AKT3: variants seen among roughly 807,000 people sequenced by gnomAD.
AKT3 encodes AKT serine/threonine kinase 3, also known as RAC-gamma serine/threonine-protein kinase.
Under a neutral mutation model 65.3 loss-of-function variants are expected in AKT3, and 15 were observed. That is an observed-to-expected ratio of 0.23 (90% CI 0.15 to 0.35). The LOEUF (loss-of-function observed/expected upper bound fraction) is 0.35. AKT3 is among the 10% of genes least tolerant of loss of function. AKT3 has a pLI of 1.00. For synonymous variants in AKT3, 206 were observed against 183.8 expected, an observed-to-expected ratio of 1.12 and a Z score of -0.98; for missense variants, 243 against 576.5, an observed-to-expected ratio of 0.42 and a Z score of 5.92.
intron 6 of AKT3, among the ~76,000 whole-genome samples, chr1:243,631,000 C>T (rs1211977795): frequency 2.7e-5 from 4 of 150,416 alleles, no homozygotes; most frequent in South Asian, 2.1e-4. Context: ...TACAGGCATA[C>T]GTCAGGTTTT....
intron 2 of AKT3, among the ~76,000 whole-genome samples, chr1:243,767,658 A>G (rs976963528): frequency 6.6e-6 from 1 of 152,136 alleles, no homozygotes; most frequent in Non-Finnish European, 1.5e-5. Flanking sequence ...AAATTTACAT[A>G]TGATACAGTA....
At chr1:243,556,333 A>G (rs908368265) in intron 10 of AKT3, among the ~76,000 whole-genome samples, 2 of 152,166 alleles carry the variant, frequency 1.3e-5, no homozygotes, top group African/African-American at 4.8e-5. Context: ...TATATTTTTA[A>G]ATGATACTAC....
intron 8 of AKT3, among the ~76,000 whole-genome samples, chr1:243,578,233 T>G (rs1023391478): frequency 1.3e-5 from 2 of 152,124 alleles, no homozygotes; most frequent in African/African-American, 4.8e-5. Context: ...GATACGTGCA[T>G]GCATATGTTC....
chr1:243,505,460 G>T, intron 13 of AKT3, 126 bp from the exon 14 acceptor site: 1 of 707,780 alleles, frequency 1.4e-6, no homozygotes, highest in Non-Finnish European at 2.4e-6. Context: ...ATAAACTTGT[G>T]TTCATCAATA....
chr1:243,560,940 C>G (rs1050314179), intron 10 of AKT3, among the ~76,000 whole-genome samples: 2 of 151,980 alleles, frequency 1.3e-5, no homozygotes, highest in African/African-American at 4.8e-5. Flanking sequence ...GCAGGGGTAA[C>G]TGAACTCCAG....
chr1:243,602,159 C>G (rs1315575942), intron 8 of AKT3, among the ~76,000 whole-genome samples: 2 of 152,186 alleles, frequency 1.3e-5, no homozygotes, highest in African/African-American at 4.8e-5. Context: ...TCAATGCATT[C>G]AATTACATTT....
intron 2 of AKT3, among the ~76,000 whole-genome samples, chr1:243,720,557 A>G (rs1321366763): frequency 6.6e-6 from 1 of 151,976 alleles, no homozygotes; most frequent in Non-Finnish European, 1.5e-5. Flanking sequence ...GATTTTTATC[A>G]TAAATAGGAT....
intron 12 of AKT3, among the ~76,000 whole-genome samples, chr1:243,532,538 T>C (rs923113062): frequency 3.3e-5 from 5 of 152,222 alleles, no homozygotes; most frequent in African/African-American, 1.2e-4. Context: ...CCTTTAATTA[T>C]ACTGCTGAAT....
chr1:243,663,117 T>A (rs1419049833), intron 4 of AKT3, among the ~76,000 whole-genome samples: 1 of 152,232 alleles, frequency 6.6e-6, no homozygotes, highest in Non-Finnish European at 1.5e-5. Flanking sequence ...GTGCAAAAGA[T>A]GTTTTAAATG....
chr1:243,510,442 G>A (rs902358686), intron 13 of AKT3, among the ~76,000 whole-genome samples: 2 of 152,212 alleles, frequency 1.3e-5, no homozygotes, highest in Non-Finnish European at 2.9e-5. Context: ...AGGTGCCAAT[G>A]CAGAGAATGA....
chr1:243,773,232 AAAAG>A (rs1690313549), intron 2 of AKT3, among the ~76,000 whole-genome samples: 2 of 149,248 alleles, frequency 1.3e-5, no homozygotes, highest in South Asian at 4.2e-4. Flanking sequence ...ATATAAAACA[AAAAG>A]AAACTGAAGA....
At chr1:243,839,901 GT>G (rs1695137611) in intron 2 of AKT3, among the ~76,000 whole-genome samples, 1 of 150,750 alleles carries the variant, frequency 6.6e-6, no homozygotes, top group Non-Finnish European at 1.5e-5. Flanking sequence ...ACAGGAAAAG[GT>G]CCGGGTGCGG....
chr1:243,822,566 C>T (rs1422140565), intron 2 of AKT3, among the ~76,000 whole-genome samples: 1 of 151,280 alleles, frequency 6.6e-6, no homozygotes, highest in Non-Finnish European at 1.5e-5. Flanking sequence ...AGAGAAGAAT[C>T]AAATAGATTC....
intron 2 of AKT3, among the ~76,000 whole-genome samples, chr1:243,820,579 C>G (rs1475245257): frequency 2.6e-5 from 4 of 152,122 alleles, no homozygotes; most frequent in African/African-American, 9.7e-5. Context: ...AGCTGTTAAC[C>G]AGAATAACCA....
At chr1:243,752,782 G>C (rs904591533) in intron 2 of AKT3, among the ~76,000 whole-genome samples, 6 of 152,036 alleles carry the variant, frequency 3.9e-5, no homozygotes, top group Non-Finnish European at 8.8e-5. Flanking sequence ...CTGTCATAAA[G>C]GTCTATTAAC....
chr1:243,846,159 C>T (rs1356692247), intron 1 of AKT3, among the ~76,000 whole-genome samples: 1 of 152,132 alleles, frequency 6.6e-6, no homozygotes, highest in Non-Finnish European at 1.5e-5. Flanking sequence ...AACAGCATTT[C>T]AACTAAGACA....
chr1:243,495,542 C>T (rs1667615677), downstream of AKT3, among the ~76,000 whole-genome samples: 1 of 152,178 alleles, frequency 6.6e-6, no homozygotes, highest in Non-Finnish European at 1.5e-5. Flanking sequence ...GCCTGCTTTG[C>T]AGCTGGCAGA....
At chr1:243,590,990 G>A (rs1461843848) in intron 8 of AKT3, among the ~76,000 whole-genome samples, 1 of 151,870 alleles carries the variant, frequency 6.6e-6, no homozygotes, top group East Asian at 1.9e-4. Context: ...AACACAGGGA[G>A]AGGAAAACAA....
At chr1:243,774,591 A>T (rs1690427975) in intron 2 of AKT3, among the ~76,000 whole-genome samples, 1 of 151,974 alleles carries the variant, frequency 6.6e-6, no homozygotes, top group African/African-American at 2.4e-5. Flanking sequence ...TTTGTTGTTT[A>T]AAAAAAAGAA....
Sources: allele counts gnomAD v4.1 joint callset (sites outside exome capture counted in the v4.1 genomes callset), GRCh38; gene constraint gnomAD v4.1.1; transcripts MANE v1.5; gene names NCBI Gene and HGNC (gene_info 2026-07-23, HGNC 2026-07-21).